Variants in PRMT8 observed in about 807,000 individuals in gnomAD.
The protein encoded by PRMT8 is protein arginine N-methyltransferase 8.
A neutral mutation model predicts 47.1 loss-of-function variants in PRMT8; 7 were observed. The observed-to-expected ratio is 0.15, with a 90% CI of 0.08 to 0.28. The LOEUF (loss-of-function observed/expected upper bound fraction) is 0.28. Ranked by LOEUF, PRMT8 falls within the 10% of genes least tolerant of loss-of-function variation. The pLI, the probability that PRMT8 is intolerant of heterozygous loss-of-function variation, is 1.00. For missense variants in PRMT8, 237 were observed against 505.4 expected (o/e 0.47, Z 5.09); for synonymous variants, 188 against 186.5 (o/e 1.01, Z -0.07).
intron 8 of PRMT8, among the ~76,000 whole-genome samples, chr12:3,591,085 A>T (rs1867290047): frequency 6.6e-6 from 1 of 152,096 alleles, no homozygotes; most frequent in Non-Finnish European, 1.5e-5. Context: ...GAAAGGAGGG[A>T]GAGGAAGGAT....
Position 3,552,654 on chromosome 12 carries a change from G to A in PRMT8, c.418-997G>A, listed in dbSNP as rs773744801. ...TGGGACCTGCACCCTGGCTGGAGTC[G>A]GCCTCCTTGGATGCAGCTCTAACCA... On this transcript the variant is annotated intron_variant, in intron 3 of 9. Coordinates refer to ENST00000382622, the MANE Select transcript of PRMT8 (RefSeq NM_019854.5). This position sits in a 1 kb window ranked among gnomAD's most constrained non-coding sequence, Gnocchi z 4.5. The A allele has an allele frequency of 5.2e-5, 23 of 445,694 alleles. No individual in the cohort carries two copies. Among genetic ancestry groups the A allele is most frequent in the African/African-American group, 2.4e-4 (12 of 49,800 alleles). The allele number at this position is 445,694 out of a possible 1,614,324, so 27.6% of individuals were successfully genotyped here. A position where few individuals can be genotyped will look rare whatever the true frequency, so the allele number is the denominator to read the frequency against.
At chr12:3,486,306 G>A (rs927709017), upstream of PRMT8, among the ~76,000 whole-genome samples, 1 of 151,926 alleles carries the variant, frequency 6.6e-6, no homozygotes, top group Non-Finnish European at 1.5e-5. Context: ...TTTAACCTAT[G>A]AGAACCAATG....
intron 1 of PRMT8, among the ~76,000 whole-genome samples, chr12:3,472,653 C>T (rs1241611384): frequency 6.6e-6 from 1 of 152,154 alleles, no homozygotes; most frequent in Non-Finnish European, 1.5e-5. Context: ...GCTTTGATGG[C>T]TGTAATCATT....
chr12:3,441,830 C>G (rs1460617034), intron 1 of PRMT8, among the ~76,000 whole-genome samples: 1 of 152,156 alleles, frequency 6.6e-6, no homozygotes, highest in Non-Finnish European at 1.5e-5. Flanking sequence ...CAAAGAGGAC[C>G]TAAAAATTGT....
intron 1 of PRMT8, among the ~76,000 whole-genome samples, chr12:3,529,583 A>G (rs1334913944): frequency 1.3e-5 from 2 of 152,148 alleles, no homozygotes; most frequent in Non-Finnish European, 2.9e-5. Context: ...CACTTCTTCT[A>G]AAAATATGAG....
chr12:3,436,272 G>A lies in PRMT8; in HGVS notation c.48+54830G>A, dbSNP rs540996333. On this transcript the variant is annotated intron_variant, in intron 1 of 9. Transcript: ENST00000452611. This position sits in a 1 kb window ranked among gnomAD's most constrained non-coding sequence, Gnocchi z 4.2. ...TTAGTTTTTCCTGTTGCATAGCTCC[G>A]TCACCTTCGTTTTTGACACTCACTT... Among the ~76,000 whole-genome samples, 2 of 152,254 alleles carry A rather than the reference G, an allele frequency of 1.3e-5. No individual in the cohort carries two copies. Among genetic ancestry groups the A allele is most frequent in the African/African-American group, 2.4e-5 (1 of 41,540 alleles).
intron 8 of PRMT8, among the ~76,000 whole-genome samples, chr12:3,589,760 C>T (rs533058807): frequency 1.2e-4 from 18 of 152,262 alleles, no homozygotes; most frequent in African/African-American, 4.3e-4. Context: ...AACTCAAAGT[C>T]GGCATGTTTT....
chr12:3,435,526 C>CTTT (rs1260938565), intron 1 of PRMT8, among the ~76,000 whole-genome samples: 1 of 131,630 alleles, frequency 7.6e-6, no homozygotes, highest in Non-Finnish European at 1.7e-5. Flanking sequence ...CTTTTTTTTT[C>CTTT]TTTTTTTTTT....
upstream of PRMT8, among the ~76,000 whole-genome samples, chr12:3,487,557 G>A (rs1865334336): frequency 6.6e-6 from 1 of 152,168 alleles, no homozygotes; most frequent in Non-Finnish European, 1.5e-5. Flanking sequence ...CAACCTTCTG[G>A]CGTTTGTGGG....
chr12:3,416,182 C>A (rs1198682243), intron 1 of PRMT8, among the ~76,000 whole-genome samples: 1 of 152,194 alleles, frequency 6.6e-6, no homozygotes, highest in Non-Finnish European at 1.5e-5. Context: ...CCCTACAACT[C>A]TGTTCTGGTG....
chr12:3,581,990 A>G (rs535661263), intron 7 of PRMT8, among the ~76,000 whole-genome samples: 34 of 152,184 alleles, frequency 2.2e-4, no homozygotes, highest in Non-Finnish European at 4.3e-4. Flanking sequence ...CCTAATTCCT[A>G]CTAATAATTC....
intron 1 of PRMT8, among the ~76,000 whole-genome samples, chr12:3,408,854 T>C (rs1329826843): frequency 6.6e-6 from 1 of 152,218 alleles, no homozygotes; most frequent in South Asian, 2.1e-4. Context: ...CAGGGATGAT[T>C]GTGAGTGCCT....
intron 1 of PRMT8, among the ~76,000 whole-genome samples, chr12:3,482,889 G>A (rs1865288259): frequency 1.3e-5 from 2 of 152,120 alleles, no homozygotes; most frequent in Admixed American, 6.5e-5. Context: ...TGGGAATTTT[G>A]GGGGCTCAGA....
intron 1 of PRMT8, among the ~76,000 whole-genome samples, chr12:3,395,138 T>TG (rs1206476741): frequency 3.3e-5 from 5 of 149,800 alleles, no homozygotes; most frequent in Non-Finnish European, 7.5e-5. Context: ...GTCTATCAAT[T>TG]TTGTTGATCC....
intron 1 of PRMT8, among the ~76,000 whole-genome samples, chr12:3,505,655 A>G (rs1213804345): frequency 1.3e-5 from 2 of 152,224 alleles, no homozygotes. Context: ...AAATTTGCAG[A>G]GTTTCATTAT....
At chr12:3,507,925 A>C (rs542206645) in intron 1 of PRMT8, among the ~76,000 whole-genome samples, 13 of 152,000 alleles carry the variant, frequency 8.6e-5, no homozygotes, top group Admixed American at 8.5e-4. Context: ...CGCCCTGCTA[A>C]TTTTTGTATT....
chr12:3,480,856 C>CT (rs1408352293), intron 1 of PRMT8, among the ~76,000 whole-genome samples: 2 of 152,172 alleles, frequency 1.3e-5, no homozygotes, highest in Non-Finnish European at 2.9e-5. Context: ...GTAACTTGAG[C>CT]TTAGGAGGCT....
intron 2 of PRMT8, among the ~76,000 whole-genome samples, chr12:3,543,592 C>T (rs3782758): frequency 0.85 from 129,812 of 152,148 alleles, 55,537 homozygotes; most frequent in East Asian, 0.97. Context: ...TGCGGATAGA[C>T]TGGGTTTGAT....
intron 6 of PRMT8, among the ~76,000 whole-genome samples, chr12:3,574,373 C>T (rs535444589): frequency 1.3e-5 from 2 of 152,270 alleles, no homozygotes; most frequent in African/African-American, 4.8e-5. Flanking sequence ...AGCTCCCTGG[C>T]TCTCAAATCT....
Sources: gnomAD v4.1 joint callset for allele counts (sites outside exome capture counted in the v4.1 genomes callset) on GRCh38, gnomAD v4.1.1 for gene constraint, Gnocchi (gnomAD v3.1) non-coding constraint, MANE v1.5 for transcripts, NCBI Gene and HGNC (gene_info 2026-07-23, HGNC 2026-07-21) for gene names.